The following LZTS1 variants were observed in gnomAD, a reference collection of about 807,000 sequenced individuals.
LZTS1 encodes leucine zipper tumor suppressor 1.
Under a neutral mutation model 45.8 loss-of-function variants are expected in LZTS1, and 31 were observed. The observed-to-expected ratio is 0.68, with a 90% CI of 0.51 to 0.91. LZTS1 has a LOEUF of 0.91. Among genes scored for constraint, LZTS1 ranks in the 40% least tolerant of loss-of-function variants. LZTS1 has a pLI of 0.00. For synonymous variants in LZTS1, 359 were observed against 357.3 expected, an observed-to-expected ratio of 1.00 and a Z score of -0.05; for missense variants, 821 against 788.9, an observed-to-expected ratio of 1.04 and a Z score of -0.49.
intron 1 of LZTS1, among the ~76,000 whole-genome samples, chr8:20,266,920 C>T (rs887254884): frequency 1.3e-4 from 20 of 152,004 alleles, no homozygotes; most frequent in African/African-American, 4.8e-4. Context: ...CCAGCCTGGG[C>T]AACATGGTGA....
chr8:20,276,925 A>G (rs1274414574), intron 1 of LZTS1, among the ~76,000 whole-genome samples: 1 of 152,228 alleles, frequency 6.6e-6, no homozygotes, highest in African/African-American at 2.4e-5. Context: ...ACTGGACATT[A>G]GGATTAAGGG....
In LZTS1 at chr8:20,299,476, T is replaced by G. The variant is rs1008907213; in HGVS notation, c.-135+4264A>C. On this transcript the variant is annotated intron_variant, in intron 1 of 3. Transcript: ENST00000381569. The stretch of plus-strand genomic sequence containing the variant: ...TTGGTTCAGGTGTGCCAGTTCTTCT[T>G]CCCAACTGTCATCACAAATTTTAGT... 2.6e-5 allele frequency among the ~76,000 whole-genome samples: 4 copies of G among 152,230 alleles called. No individual in the cohort carries two copies. The East Asian group carries it at 7.7e-4, about 29-fold the overall frequency.
rs1228956832 is a variant in LZTS1 at position 20,253,172 on chromosome 8, G to A, written c.759C>T (p.Arg253=). The A allele has an allele frequency of 6.2e-7, 1 of 1,613,328 alleles. No homozygotes were observed. Among genetic ancestry groups the A allele is most frequent in the African/African-American group, 1.3e-5 (1 of 74,942 alleles). The change falls in exon 3 of 4, where the codon CGC becomes CGT. Residue 253 remains arginine, a synonymous_variant. Coordinates refer to ENST00000381569, the MANE Select transcript of LZTS1 (RefSeq NM_021020.5). ...NKADKGPSCV[R]SPISTDECSI... is the part of the protein sequence containing the mutation. ...TGCACTCGTCCGTGGAGATGGGGGA[G>A]CGGACACACGAGGGGCCCTTGTCTG...
chr8:20,251,122 T>C (rs1388861098), intron 3 of LZTS1, among the ~76,000 whole-genome samples: 8 of 23,940 alleles, frequency 3.3e-4, no homozygotes, highest in African/African-American at 1.2e-3. Flanking sequence ...TATATATATA[T>C]ATATATATAT....
chr8:20,251,191 A>T (rs1799899078), intron 3 of LZTS1, among the ~76,000 whole-genome samples: 1 of 144,156 alleles, frequency 6.9e-6, no homozygotes, highest in Non-Finnish European at 1.5e-5. Flanking sequence ...CCAACAGTTT[A>T]ATCACTATAC....
At chr8:20,295,197 C>T (rs930683746) in intron 1 of LZTS1, among the ~76,000 whole-genome samples, 6 of 152,290 alleles carry the variant, frequency 3.9e-5, no homozygotes, top group Non-Finnish European at 5.9e-5. Flanking sequence ...CTGCCAGCCC[C>T]GGCACCATGC....
At chr8:20,262,828 C>T (rs999893227) in intron 1 of LZTS1, among the ~76,000 whole-genome samples, 12 of 152,092 alleles carry the variant, frequency 7.9e-5, no homozygotes, top group African/African-American at 2.2e-4. Flanking sequence ...AAAATGTCAA[C>T]GGTTCTGTGG....
At chr8:20,287,642 C>T (rs754944156) in intron 1 of LZTS1, among the ~76,000 whole-genome samples, 3 of 151,990 alleles carry the variant, frequency 2.0e-5, no homozygotes, top group Non-Finnish European at 2.9e-5. Flanking sequence ...TGCTGCTGCC[C>T]GGGACCAGGC....
In LZTS1 at chr8:20,253,026, C is replaced by T. The variant is rs755459303; in HGVS notation, c.905G>A (p.Cys302Tyr). The change falls in exon 3 of 4, where the codon TGC becomes TAC. Residue 302 changes from cysteine to tyrosine, a missense_variant. By Grantham distance (194) the Cys-to-Tyr change is radical. Coordinates refer to ENST00000381569, the MANE Select transcript of LZTS1 (RefSeq NM_021020.5). ...CTCCGGGCCCTCCAGCTCGTCCCTG[C>T]AGCGCCGCGGCCGCTCCTCGTAGGC... ...SLAYEERPRRCRDELEGPEPK... is the reference protein window; with the variant it reads ...SLAYEERPRRYRDELEGPEPK... 6.2e-7 allele frequency: 1 copy of T among 1,601,214 alleles called. No homozygotes were observed. Among genetic ancestry groups the T allele is most frequent in the Non-Finnish European group, 8.5e-7 (1 of 1,175,884 alleles).
At chr8:20,260,202 A>G (rs1327573470) in intron 1 of LZTS1, among the ~76,000 whole-genome samples, 1 of 151,966 alleles carries the variant, frequency 6.6e-6, no homozygotes, top group Non-Finnish European at 1.5e-5. Context: ...ACACCCAGTC[A>G]TATCTTATTT....
chr8:20,255,430 C>T, intron 1 of LZTS1, 115 bp from the exon 2 acceptor site: 1 of 640,650 alleles, frequency 1.6e-6, no homozygotes. Flanking sequence ...CCAGCACTGT[C>T]TCCACCACCG....
chr8:20,285,610 A>C (rs971899356), intron 1 of LZTS1, among the ~76,000 whole-genome samples: 3 of 152,230 alleles, frequency 2.0e-5, no homozygotes, highest in Non-Finnish European at 4.4e-5. Flanking sequence ...TGCCAGGTTC[A>C]TGGGTCACAG....
intron 1 of LZTS1, among the ~76,000 whole-genome samples, chr8:20,287,897 C>CAA (rs34653802): frequency 0.015 from 819 of 53,518 alleles, 6 homozygotes; most frequent in Middle Eastern, 0.042. Context: ...GCACTCCAGC[C>CAA]AAAAAAAAAA....
intron 1 of LZTS1, among the ~76,000 whole-genome samples, chr8:20,283,870 A>G (rs940251996): frequency 6.6e-6 from 1 of 152,154 alleles, no homozygotes; most frequent in Non-Finnish European, 1.5e-5. Context: ...TGCCTGCCCA[A>G]ATCCAGGCCT....
At chr8:20,258,687 C>G (rs538664528) in intron 1 of LZTS1, among the ~76,000 whole-genome samples, 7 of 152,128 alleles carry the variant, frequency 4.6e-5, no homozygotes, top group Non-Finnish European at 8.8e-5. Context: ...AAGATAACAG[C>G]TCTGGAACAT....
chr8:20,298,986 T>G (rs566966713), intron 1 of LZTS1, among the ~76,000 whole-genome samples: 1 of 152,370 alleles, frequency 6.6e-6, no homozygotes, highest in African/African-American at 2.4e-5. Context: ...TCACCAGCTA[T>G]GCTCGACTGT....
intron 1 of LZTS1, among the ~76,000 whole-genome samples, chr8:20,296,658 G>A (rs1479359425): frequency 6.6e-6 from 1 of 152,188 alleles, no homozygotes; most frequent in Non-Finnish European, 1.5e-5. Flanking sequence ...CAGAGGGAGA[G>A]ACAATGAGAG....
At chr8:20,273,592 GA>G (rs1411192075) in intron 1 of LZTS1, among the ~76,000 whole-genome samples, 3 of 152,032 alleles carry the variant, frequency 2.0e-5, no homozygotes, top group Non-Finnish European at 4.4e-5. Context: ...CCGGTCCCAA[GA>G]AACCTAAGCA....
intron 1 of LZTS1, among the ~76,000 whole-genome samples, chr8:20,291,733 A>G (rs1244015893): frequency 6.6e-6 from 1 of 152,060 alleles, no homozygotes; most frequent in Non-Finnish European, 1.5e-5. Context: ...ACATTTTACA[A>G]ATGAGAAAAT....
Sources: allele counts gnomAD v4.1 joint callset (sites outside exome capture counted in the v4.1 genomes callset), GRCh38; gene constraint gnomAD v4.1.1; transcripts MANE v1.5; gene names NCBI Gene and HGNC (gene_info 2026-07-23, HGNC 2026-07-21).